Variants in AR observed in about 807,000 individuals in gnomAD.
AR encodes dihydrotestosterone receptor.
Under a neutral mutation model 53.9 loss-of-function variants are expected in AR, and 8 were observed. The ratio of observed to expected loss-of-function variants is 0.15; its 90% CI spans 0.09 to 0.27. The LOEUF is 0.27. Ranked by LOEUF, AR falls within the 10% of genes least tolerant of loss-of-function variation. The probability of loss-of-function intolerance (pLI) is 1.00; values close to 1 mark genes in which losing one functional copy is unlikely to be tolerated. For missense variants in AR, 639 were observed against 742.5 expected (o/e 0.86, Z 1.62); for synonymous variants, 359 against 316.4 (o/e 1.13, Z -1.43).
At chrX:67,570,298 G>A (rs988477285) in intron 1 of AR, among the ~76,000 whole-genome samples, 1 of 112,353 alleles carries the variant, frequency 8.9e-6, no homozygotes, top group African/African-American at 3.2e-5. Flanking sequence ...TGCACCCACC[G>A]GGTTCATAAA....
intron 1 of AR, among the ~76,000 whole-genome samples, chrX:67,635,450 G>A (rs1256106313): frequency 2.7e-5 from 3 of 111,341 alleles, no homozygotes; most frequent in Non-Finnish European, 3.8e-5. Flanking sequence ...ATTTCACCCC[G>A]CTTCCACAGT....
intron 2 of AR, among the ~76,000 whole-genome samples, chrX:67,676,233 G>T (rs2075899068): frequency 9.0e-6 from 1 of 111,583 alleles, no homozygotes; most frequent in African/African-American, 3.3e-5. Context: ...AGCTTTACTT[G>T]CAAATCACTC....
At chrX:67,591,112 A>G (rs753563410) in intron 1 of AR, among the ~76,000 whole-genome samples, 17 of 111,419 alleles carry the variant, frequency 1.5e-4, no homozygotes, top group Non-Finnish European at 2.8e-4. Context: ...CCTGAAAAAA[A>G]TTAGCCCGAG....
chrX:67,718,725 C>T (rs2076123650), intron 5 of AR, among the ~76,000 whole-genome samples: 1 of 110,939 alleles, frequency 9.0e-6, no homozygotes, highest in Admixed American at 9.5e-5. Flanking sequence ...CCTCCACCTC[C>T]CTGGTTCAAG....
chrX:67,583,299 T>G (rs940231686), intron 1 of AR, among the ~76,000 whole-genome samples: 2 of 112,101 alleles, frequency 1.8e-5, no homozygotes, highest in Non-Finnish European at 3.8e-5. Flanking sequence ...TTCACATGCT[T>G]CATTTTATTC....
At chrX:67,560,938 A>G (rs1442328268) in intron 1 of AR, among the ~76,000 whole-genome samples, 3 of 112,114 alleles carry the variant, frequency 2.7e-5, no homozygotes, top group Non-Finnish European at 3.8e-5. Flanking sequence ...ACCAGGGGCT[A>G]GAAATCTCTA....
chrX:67,558,442 C>A lies in AR; in HGVS notation c.1616+11680C>A, dbSNP rs142950122. Reference sequence around the variant, plus strand: ...ACTCCCAGGAAGTCTGGCTTCTAACCACAAGGTTCTAACTACTGTGCAATA... The same window carrying A: ...ACTCCCAGGAAGTCTGGCTTCTAACAACAAGGTTCTAACTACTGTGCAATA... On this transcript the variant is annotated intron_variant, in intron 1 of 7. Transcript: ENST00000374690. 1.1e-3 allele frequency among the ~76,000 whole-genome samples: 128 copies of A among 111,709 alleles called. 1 individual carries two copies. The highest frequency in any genetic ancestry group is 4.1e-3 in the African/African-American group (126 of 30,747).
At chrX:67,673,560 G>C (rs1440628253) in intron 2 of AR, among the ~76,000 whole-genome samples, 1 of 104,946 alleles carries the variant, frequency 9.5e-6, no homozygotes, top group African/African-American at 3.5e-5. Context: ...GGTCAATTAT[G>C]CTGTTAAGAG....
intron 1 of AR, among the ~76,000 whole-genome samples, chrX:67,554,110 C>T (rs1028327385): frequency 8.9e-6 from 1 of 112,203 alleles, no homozygotes; most frequent in African/African-American, 3.2e-5. Flanking sequence ...ATGTTCATCT[C>T]TTTAGAGAAC....
At chrX:67,594,961 AAG>A (rs897354505) in intron 1 of AR, among the ~76,000 whole-genome samples, 6 of 109,327 alleles carry the variant, frequency 5.5e-5, no homozygotes, top group African/African-American at 1.0e-4. Context: ...AGAAAGAAAG[AAG>A]AGAGAGAGAG....
chrX:67,644,749 G>A (rs894082043), intron 2 of AR, among the ~76,000 whole-genome samples: 3 of 111,474 alleles, frequency 2.7e-5, no homozygotes, highest in African/African-American at 9.8e-5. Flanking sequence ...CCTACAAGAA[G>A]GCAGCTATCA....
intron 1 of AR, among the ~76,000 whole-genome samples, chrX:67,630,800 G>A (rs1454178963): frequency 3.6e-4 from 40 of 110,237 alleles, no homozygotes; most frequent in African/African-American, 1.3e-3. Flanking sequence ...TCCATGTTTA[G>A]TGCTTCCTTC....
At chrX:67,722,722 C>T (rs1230713415) in intron 6 of AR, 105 bp from the exon 7 acceptor site, 16 of 999,859 alleles carry the variant, frequency 1.6e-5, no homozygotes, top group Non-Finnish European at 2.1e-5. Flanking sequence ...AGATGGTTCC[C>T]TGTGGGGGTG....
chrX:67,553,846 G>A (rs910639216), intron 1 of AR, among the ~76,000 whole-genome samples: 4 of 111,419 alleles, frequency 3.6e-5, no homozygotes, highest in Admixed American at 9.5e-5. Flanking sequence ...CAGATTATTC[G>A]CTGCCAATGT....
chrX:67,597,829 A>G (rs1387220611), intron 1 of AR, among the ~76,000 whole-genome samples: 2 of 112,294 alleles, frequency 1.8e-5, no homozygotes, highest in African/African-American at 6.5e-5. Context: ...AAATAGAATT[A>G]TCCAACTACC....
intron 1 of AR, among the ~76,000 whole-genome samples, chrX:67,624,464 C>G (rs774671264): frequency 1.2e-4 from 13 of 111,593 alleles, no homozygotes; most frequent in Non-Finnish European, 2.5e-4. Flanking sequence ...AGATTTAATC[C>G]TTCACAAATT....
intron 1 of AR, among the ~76,000 whole-genome samples, chrX:67,549,223 G>A (rs1352492803): frequency 8.9e-6 from 1 of 111,974 alleles, no homozygotes; most frequent in Non-Finnish European, 1.9e-5. Context: ...CAAAGCAAGA[G>A]TGTCTTCCCT....
intron 1 of AR, among the ~76,000 whole-genome samples, chrX:67,631,615 T>C (rs978280826): frequency 7.2e-5 from 8 of 111,159 alleles, no homozygotes; most frequent in Non-Finnish European, 1.5e-4. Flanking sequence ...GTAATTTGAT[T>C]GTCTGAAGCC....
intron 2 of AR, among the ~76,000 whole-genome samples, chrX:67,657,076 A>T (rs752527132): frequency 1.8e-5 from 2 of 110,933 alleles, no homozygotes; most frequent in Admixed American, 1.9e-4. Flanking sequence ...AATTGATTTA[A>T]ATCAAAGCCC....
Sources: gnomAD v4.1 joint callset for allele counts (sites outside exome capture counted in the v4.1 genomes callset) on GRCh38, gnomAD v4.1.1 for gene constraint, MANE v1.5 for transcripts, NCBI Gene and HGNC (gene_info 2026-07-23, HGNC 2026-07-21) for gene names.